Variants in AVEN observed in about 807,000 individuals in gnomAD.
AVEN encodes apoptosis and caspase activation inhibitor, also known as cell death regulator Aven.
In AVEN, 41 loss-of-function variants were observed where a neutral mutation model predicts 38.1. The ratio of observed to expected loss-of-function variants is 1.08; its 90% CI spans 0.84 to 1.40. The LOEUF is 1.40. Ranked by LOEUF, AVEN falls within the 40% of genes most tolerant of loss-of-function variation. The pLI is 0.00. For missense variants in AVEN, 605 were observed against 438.8 expected, an observed-to-expected ratio of 1.38 and a Z score of -3.38; for synonymous variants, 206 against 171.8, an observed-to-expected ratio of 1.20 and a Z score of -1.56.
Position 33,983,229 on chromosome 15 carries a change from CACAT to C in AVEN, c.445+19799_445+19802del, listed in dbSNP as rs1422851980. On this transcript the variant is annotated intron_variant, in intron 2 of 5. Transcript: ENST00000306730. ...ATATATATATACATATATATACACA[CACAT>C]ACACACACACACATATATATGGCTT... 4.3e-3 allele frequency among the ~76,000 whole-genome samples: 372 copies of C among 87,002 alleles called. 6 individuals are homozygous for C. The highest frequency in any genetic ancestry group is 0.015 in the African/African-American group (328 of 22,098). The allele number at this position is 87,002 out of a possible 152,430, so 57.1% of individuals were successfully genotyped here.
intron 2 of AVEN, among the ~76,000 whole-genome samples, chr15:33,942,396 T>A (rs1894350251): frequency 6.6e-6 from 1 of 152,188 alleles, no homozygotes; most frequent in African/African-American, 2.4e-5. Flanking sequence ...GTACTAAGTA[T>A]TTAAATGAAG....
At chr15:34,053,006 C>A (rs879555010) in intron 5 of AVEN, among the ~76,000 whole-genome samples, 1 of 151,878 alleles carries the variant, frequency 6.6e-6, no homozygotes, top group African/African-American at 2.4e-5. Flanking sequence ...CTTAAAAATT[C>A]ATATGGAACC....
At chr15:34,041,496 G>A (rs995557449), upstream of AVEN, among the ~76,000 whole-genome samples, 3 of 152,184 alleles carry the variant, frequency 2.0e-5, no homozygotes, top group African/African-American at 7.2e-5. Context: ...ACTATCCCTT[G>A]AGAAGCCTCC....
At chr15:33,942,595 C>T (rs1894359800) in intron 2 of AVEN, among the ~76,000 whole-genome samples, 1 of 152,038 alleles carries the variant, frequency 6.6e-6, no homozygotes, top group Admixed American at 6.6e-5. Context: ...GGACTACAGG[C>T]ACCCGCCACC....
chr15:33,854,947 T>C (rs2079487537), downstream of AVEN: 3 of 1,579,104 alleles, frequency 1.9e-6, no homozygotes, highest in Admixed American at 3.7e-5. Context: ...AGAATGGACC[T>C]GTATATGCAC....
intron 2 of AVEN, among the ~76,000 whole-genome samples, chr15:33,905,768 C>A (rs1396491216): frequency 6.6e-6 from 1 of 151,110 alleles, no homozygotes; most frequent in Non-Finnish European, 1.5e-5. Flanking sequence ...TGCAGTGAGC[C>A]AAGACCGTGC....
At chr15:33,875,165 G>A (rs149689786) in intron 3 of AVEN, among the ~76,000 whole-genome samples, 253 of 152,292 alleles carry the variant, frequency 1.7e-3, no homozygotes, top group East Asian at 8.7e-3. Context: ...GCAGAACAGG[G>A]AGGACAGTGC....
chr15:34,040,616 G>A (rs1271361249), upstream of AVEN, among the ~76,000 whole-genome samples: 4 of 152,208 alleles, frequency 2.6e-5, no homozygotes, highest in Admixed American at 6.5e-5. Flanking sequence ...TAAAACAGAT[G>A]TTAAGTAACT....
intron 3 of AVEN, among the ~76,000 whole-genome samples, chr15:33,872,610 A>ACTCAGCAGCCAGCAGTTTG (rs201149519): frequency 7.0e-4 from 107 of 151,894 alleles, no homozygotes; most frequent in Non-Finnish European, 1.1e-3. Flanking sequence ...GCCGCATATC[A>ACTCAGCAGCCAGCAGTTTG]CTCAGCAGCC....
At chr15:34,015,994 C>T (rs1275754834) in intron 1 of AVEN, among the ~76,000 whole-genome samples, 2 of 152,130 alleles carry the variant, frequency 1.3e-5, no homozygotes, top group African/African-American at 2.4e-5. Flanking sequence ...AACTGGAAAG[C>T]GGCTGGGCGC....
chr15:34,038,547 C>G (rs937086414), intron 1 of AVEN, among the ~76,000 whole-genome samples: 43 of 152,034 alleles, frequency 2.8e-4, no homozygotes, highest in Non-Finnish European at 4.7e-4. Context: ...CTCCTACCCC[C>G]ACTGTCTCGC....
upstream of AVEN, among the ~76,000 whole-genome samples, chr15:34,040,327 G>A (rs1055552200): frequency 6.6e-6 from 1 of 152,150 alleles, no homozygotes; most frequent in Non-Finnish European, 1.5e-5. Flanking sequence ...ATTTAAACGG[G>A]TTACCCAAGG....
chr15:34,046,094 A>G (rs954618447), intron 5 of AVEN, among the ~76,000 whole-genome samples: 3 of 152,228 alleles, frequency 2.0e-5, no homozygotes, highest in Non-Finnish European at 4.4e-5. Flanking sequence ...ATAACCACTT[A>G]TATTTCATTT....
At chr15:33,950,695 T>C (rs1894706810) in intron 2 of AVEN, among the ~76,000 whole-genome samples, 1 of 152,182 alleles carries the variant, frequency 6.6e-6, no homozygotes, top group African/African-American at 2.4e-5. Flanking sequence ...CTTCAAAACA[T>C]TCTTCAGAGT....
intron 2 of AVEN, among the ~76,000 whole-genome samples, chr15:33,900,163 T>A (rs188561816): frequency 1.3e-5 from 2 of 152,264 alleles, no homozygotes; most frequent in South Asian, 2.1e-4. Context: ...TTATAGTTGT[T>A]CTATTGGAAA....
chr15:33,864,607 AGTGAAAGGATGT>A (rs1889807359), downstream of AVEN: 1 of 176,604 alleles, frequency 5.7e-6, no homozygotes, highest in African/African-American at 2.4e-5. Context: ...TGAGAGGATG[AGTGAAAGGATGT>A]GTCAAATTTT....
chr15:33,858,687 G>A (rs762989748), downstream of AVEN: 1 of 143,596 alleles, frequency 7.0e-6, no homozygotes, highest in South Asian at 2.3e-4. Context: ...GTTGGAGGTG[G>A]GGAGGGGGAG....
intron 2 of AVEN, among the ~76,000 whole-genome samples, chr15:33,937,952 A>G (rs1035006038): frequency 2.0e-5 from 3 of 149,572 alleles, no homozygotes; most frequent in East Asian, 1.9e-4. Flanking sequence ...AAAAAAAAAA[A>G]AAAAAAGAAA....
chr15:33,852,426 G>A, the AVEN span: 1 of 154,158 alleles, frequency 6.5e-6, no homozygotes, highest in Non-Finnish European at 1.4e-5. Flanking sequence ...CTAGGGGATG[G>A]TACAGAACCA....
Sources: allele counts gnomAD v4.1 joint callset (sites outside exome capture counted in the v4.1 genomes callset), GRCh38; gene constraint gnomAD v4.1.1; transcripts MANE v1.5; gene names NCBI Gene and HGNC (gene_info 2026-07-23, HGNC 2026-07-21).